The following NPC2 variants were observed in gnomAD, a reference collection of about 807,000 sequenced individuals.
The protein encoded by NPC2 is Niemann-Pick disease type C2 protein.
Under a neutral mutation model 17.0 loss-of-function variants are expected in NPC2, and 14 were observed. The observed-to-expected ratio is 0.82, with a 90% CI of 0.54 to 1.29. The LOEUF (loss-of-function observed/expected upper bound fraction) is 1.29. Among genes scored for constraint, NPC2 ranks in the 50% most tolerant of loss-of-function variants. NPC2 has a pLI of 0.00. For missense variants in NPC2, 167 were observed against 183.4 expected (o/e 0.91, Z 0.52); for synonymous variants, 75 against 69.3 (o/e 1.08, Z -0.41).
In NPC2 at chr14:74,486,152, C is replaced by T. The variant is rs539164744; in HGVS notation, c.190+177G>A. 2.6e-5 allele frequency among the ~76,000 whole-genome samples: 4 copies of T among 152,232 alleles called. No homozygotes were observed. In the East Asian group the frequency reaches 7.7e-4, roughly 29 times the overall value. On this transcript the variant is annotated intron_variant, in intron 2 of 4. Coordinates refer to ENST00000555619, the MANE Select transcript of NPC2 (RefSeq NM_006432.5). ...TAAAGGGAGTCTGGGAGCCATGGAC[C>T]CTGCATGAGAAGGGTGTCCAAGGGC...
At chr14:74,483,792 A>C (rs1243811761) in intron 3 of NPC2, among the ~76,000 whole-genome samples, 1 of 152,250 alleles carries the variant, frequency 6.6e-6, no homozygotes, top group East Asian at 1.9e-4. Flanking sequence ...CAAATGTTAG[A>C]TATTGCTACT....
At position 74,493,009 on chromosome 14, in the gene NPC2, C is replaced by G. The variant is rs1204634961; in HGVS notation, c.82+184G>C. On this transcript the variant is annotated intron_variant, in intron 1 of 4. Transcript: ENST00000555619. This position sits in a 1 kb window ranked among gnomAD's most constrained non-coding sequence, Gnocchi z 4.1. Reference sequence around the variant, plus strand: ...CTAAGGAAAGAAACAAAGTTGTGCGCGGTCGGGTTTCATGGAGGCCGGCGC... The same window carrying G: ...CTAAGGAAAGAAACAAAGTTGTGCGGGGTCGGGTTTCATGGAGGCCGGCGC... 6.6e-6 allele frequency among the ~76,000 whole-genome samples: 1 copy of G among 152,220 alleles called. No individual in the cohort carries two copies. The highest frequency in any genetic ancestry group is 1.5e-5 in the Non-Finnish European group (1 of 68,042).
At chr14:74,484,620 A>G in intron 2 of NPC2, 33 bp from the exon 3 acceptor site, 1 of 1,611,736 alleles carries the variant, frequency 6.2e-7, no homozygotes, top group Middle Eastern at 1.7e-4. Context: ...GATGGCAAAG[A>G]AAATAACCTA....
chr14:74,483,294 T>A, intron 3 of NPC2: 1 of 1,201,070 alleles, frequency 8.3e-7, no homozygotes, highest in Non-Finnish European at 1.2e-6. Context: ...ATGATTTTGG[T>A]TGGCAATAAA....
At chr14:74,482,987 T>G in intron 3 of NPC2, 1 of 745,934 alleles carries the variant, frequency 1.3e-6, no homozygotes, top group Non-Finnish European at 2.4e-6. Context: ...GGTGAGCTAG[T>G]GGTCCTTGGT....
intron 2 of NPC2, among the ~76,000 whole-genome samples, chr14:74,485,231 G>A (rs1003375034): frequency 6.9e-6 from 1 of 145,280 alleles, no homozygotes; most frequent in Non-Finnish European, 1.5e-5. Context: ...GGAGGCGGAG[G>A]TTGCAGTGTG....
chr14:74,486,313 A>C lies in NPC2; in HGVS notation c.190+16T>G. On this transcript the variant is annotated intron_variant, in intron 2 of 4. Coordinates refer to ENST00000555619, the MANE Select transcript of NPC2 (RefSeq NM_006432.5). ...TGCTGTAACATGAATTTGAGTTAAG[A>C]GCCACTTTTACGCACTGCTGGTGAA... The C allele has an allele frequency of 6.4e-7, 1 of 1,567,754 alleles. No homozygotes were observed. Among genetic ancestry groups the C allele is most frequent in the Non-Finnish European group, 8.7e-7 (1 of 1,152,362 alleles).
At chr14:74,492,156 C>T (rs533522773) in intron 1 of NPC2, among the ~76,000 whole-genome samples, 1 of 152,256 alleles carries the variant, frequency 6.6e-6, no homozygotes, top group African/African-American at 2.4e-5. Context: ...CAAGCCCATA[C>T]CCGCCAAATT....
chr14:74,491,875 T>C (rs2086777124), intron 1 of NPC2, among the ~76,000 whole-genome samples: 1 of 152,166 alleles, frequency 6.6e-6, no homozygotes, highest in African/African-American at 2.4e-5. Flanking sequence ...AAACCCCTTC[T>C]TGCCTGGGGA....
chr14:74,486,512 G>A, intron 1 of NPC2, 76 bp from the exon 2 acceptor site: 1 of 1,164,744 alleles, frequency 8.6e-7, no homozygotes, highest in Non-Finnish European at 1.3e-6. Context: ...CACCTAATGG[G>A]AAGGTGCTCT....
intron 1 of NPC2, among the ~76,000 whole-genome samples, chr14:74,489,892 T>G (rs1221266501): frequency 6.6e-6 from 1 of 152,254 alleles, no homozygotes; most frequent in East Asian, 1.9e-4. Context: ...GTAGCTGAGC[T>G]AACACAAATA....
At position 74,493,080 on chromosome 14, in the gene NPC2, T is replaced by C. The variant is rs979759995; in HGVS notation, c.82+113A>G. 5 of 1,389,392 alleles carry C rather than the reference T, an allele frequency of 3.6e-6. No homozygotes were observed. Among genetic ancestry groups the C allele is most frequent in the Non-Finnish European group, 4.9e-6 (5 of 1,016,082 alleles). 86.1% of individuals were successfully genotyped at this position (1,389,392 alleles called of 1,614,324 possible). ...ATTCCAGTTAGGTAGGGTCCAAGGC[T>C]CAGCCTGGCCGCCCGAGGGATCCGC... On this transcript the variant is annotated intron_variant, in intron 1 of 4. Transcript: ENST00000555619. The surrounding 1 kb of genome is among the most constrained non-coding windows in gnomAD (Gnocchi z 4.1).
At chr14:74,486,257 A>G in intron 2 of NPC2, 72 bp downstream of exon 2, 1 of 1,315,704 alleles carries the variant, frequency 7.6e-7, no homozygotes, top group Non-Finnish European at 1.1e-6. Context: ...CTCCATTCCC[A>G]TGCTTATTCC....
intron 3 of NPC2, chr14:74,483,227 G>T: frequency 1.1e-6 from 1 of 904,412 alleles, no homozygotes; most frequent in South Asian, 1.5e-5. Context: ...GTCCACGTTT[G>T]ACTTACAGGA....
rs1261259335 is a variant in NPC2, at chr14:74,493,178, G to T, written c.82+15C>A. ...CACAGAGGGCGCGGGAACCTTGGGC[G>T]GGCCTGGGGCTCACCGCAGTCCTTG... On this transcript the variant is annotated intron_variant, in intron 1 of 4. Coordinates refer to ENST00000555619, the MANE Select transcript of NPC2 (RefSeq NM_006432.5). This position sits in a 1 kb window ranked among gnomAD's most constrained non-coding sequence, Gnocchi z 4.1. 2 of 1,601,200 alleles carry T rather than the reference G, an allele frequency of 1.2e-6. No individual in the cohort carries two copies. The highest frequency in any genetic ancestry group is 2.3e-5 in the East Asian group (1 of 44,348).
chr14:74,480,072 C>A lies in NPC2; in HGVS notation c.*202G>T. On this transcript the variant is annotated 3_prime_UTR_variant, in exon 5 of 5. Transcript: ENST00000555619. ...CCAAGTGCTGCATTTAATGAAACCACCTAAGACAGAAAAAGAGACATGAGA... is the reference window on the plus strand; with the variant it reads ...CCAAGTGCTGCATTTAATGAAACCAACTAAGACAGAAAAAGAGACATGAGA... 1 of 1,534,740 alleles carries A rather than the reference C, an allele frequency of 6.5e-7. No homozygotes were observed. Among genetic ancestry groups the A allele is most frequent in the Non-Finnish European group, 8.7e-7 (1 of 1,145,670 alleles).
At chr14:74,483,098 T>C (rs73294488) in intron 3 of NPC2, 16,181 of 1,153,536 alleles carry the variant, frequency 0.014, 153 homozygotes, top group African/African-American at 0.031. Context: ...AGAAAGCAAG[T>C]TGAAGTCAAC....
At chr14:74,489,253 T>C (rs9285594) in intron 1 of NPC2, among the ~76,000 whole-genome samples, 34,171 of 152,130 alleles carry the variant, frequency 0.22, 4,254 homozygotes, top group African/African-American at 0.32. Context: ...TAACTTGGCC[T>C]AGGTCTATAT....
At chr14:74,492,622 G>T (rs1325467274) in intron 1 of NPC2, among the ~76,000 whole-genome samples, 2 of 152,160 alleles carry the variant, frequency 1.3e-5, no homozygotes, top group Non-Finnish European at 1.5e-5. Context: ...CAACCACAGC[G>T]GCGAGAGGGA....
Sources: gnomAD v4.1 joint callset for allele counts (sites outside exome capture counted in the v4.1 genomes callset) on GRCh38, gnomAD v4.1.1 for gene constraint, Gnocchi (gnomAD v3.1) non-coding constraint, MANE v1.5 for transcripts, NCBI Gene and HGNC (gene_info 2026-07-23, HGNC 2026-07-21) for gene names.